The following PRKAR2A variants were observed in gnomAD, a reference collection of about 807,000 sequenced individuals.
The protein encoded by PRKAR2A is protein kinase cAMP-dependent type II regulatory subunit alpha.
Under a neutral mutation model 51.9 loss-of-function variants are expected in PRKAR2A, and 29 were observed. The observed-to-expected ratio is 0.56, with a 90% CI of 0.42 to 0.76. The LOEUF (loss-of-function observed/expected upper bound fraction) is 0.76. Among genes scored for constraint, PRKAR2A ranks in the 30% least tolerant of loss-of-function variants. The pLI, the probability that PRKAR2A is intolerant of heterozygous loss-of-function variation, is 0.00. For synonymous variants in PRKAR2A, 178 were observed against 186.2 expected, an observed-to-expected ratio of 0.96 and a Z score of 0.36; for missense variants, 445 against 512.1, an observed-to-expected ratio of 0.87 and a Z score of 1.26.
intron 2 of PRKAR2A, among the ~76,000 whole-genome samples, chr3:48,804,566 T>G (rs2082644309): frequency 6.6e-6 from 1 of 151,914 alleles, no homozygotes; most frequent in South Asian, 2.1e-4. Context: ...AAGGAAGAAG[T>G]GGGGAATAGC....
chr3:48,768,294 A>AAGATAGATAGATAGAT (rs561041221), intron 6 of PRKAR2A, among the ~76,000 whole-genome samples: 124 of 140,196 alleles, frequency 8.8e-4, no homozygotes, highest in Middle Eastern at 3.5e-3. Context: ...ACCGTCTCAA[A>AAGATAGATAGATAGAT]AGATAGATAG....
At chr3:48,819,068 T>G (rs2082918683) in intron 1 of PRKAR2A, among the ~76,000 whole-genome samples, 1 of 152,046 alleles carries the variant, frequency 6.6e-6, no homozygotes, top group Admixed American at 6.6e-5. Flanking sequence ...AGTGGTGCAA[T>G]CTCTGCTCAC....
intron 1 of PRKAR2A, among the ~76,000 whole-genome samples, chr3:48,816,869 C>A (rs2082882745): frequency 6.6e-6 from 1 of 152,062 alleles, no homozygotes; most frequent in Non-Finnish European, 1.5e-5. Flanking sequence ...AGTTTATAAG[C>A]TTAAACATTT....
chr3:48,834,787 C>T (rs2083252988), intron 1 of PRKAR2A, among the ~76,000 whole-genome samples: 1 of 148,938 alleles, frequency 6.7e-6, no homozygotes, highest in African/African-American at 2.5e-5. Flanking sequence ...ATTTGCAAAT[C>T]ACTTATCATA....
At chr3:48,827,564 C>T (rs188734805) in intron 1 of PRKAR2A, among the ~76,000 whole-genome samples, 2 of 152,246 alleles carry the variant, frequency 1.3e-5, no homozygotes, top group Non-Finnish European at 2.9e-5. Context: ...CTACAACACA[C>T]CTAGAATATA....
chr3:48,783,827 C>A (rs780588968), intron 4 of PRKAR2A, among the ~76,000 whole-genome samples: 2 of 152,164 alleles, frequency 1.3e-5, no homozygotes, highest in Non-Finnish European at 2.9e-5. Flanking sequence ...GTAATCCACC[C>A]ACCTTGGCTT....
At chr3:48,817,634 C>T (rs1020770181) in intron 1 of PRKAR2A, among the ~76,000 whole-genome samples, 2 of 144,802 alleles carry the variant, frequency 1.4e-5, no homozygotes, top group Admixed American at 7.0e-5. Context: ...GCAACAGGAA[C>T]GAAACTCCAT....
At chr3:48,834,794 C>T (rs1330951215) in intron 1 of PRKAR2A, among the ~76,000 whole-genome samples, 1 of 149,700 alleles carries the variant, frequency 6.7e-6, no homozygotes, top group Non-Finnish European at 1.5e-5. Flanking sequence ...AATCACTTAT[C>T]ATATAAGGAA....
chr3:48,832,468 C>T lies in PRKAR2A; in HGVS notation c.262+14867G>A, dbSNP rs1238330103. Among the ~76,000 whole-genome samples, 4 of 152,048 alleles carry T rather than the reference C, an allele frequency of 2.6e-5. No individual in the cohort carries two copies. The East Asian group carries it at 5.8e-4, about 22-fold the overall frequency. On this transcript the variant is annotated intron_variant, in intron 1 of 10. Transcript: ENST00000265563. The stretch of plus-strand genomic sequence containing the variant: ...AGTTTTAGTTACCAGCCTCTGAACA[C>T]GCACATTTTTTCTTTTAATTCCAAA...
chr3:48,840,812 G>A (rs1371591943), intron 1 of PRKAR2A, among the ~76,000 whole-genome samples: 1 of 148,520 alleles, frequency 6.7e-6, no homozygotes, highest in African/African-American at 2.5e-5. Flanking sequence ...TCCTGACCTC[G>A]TGATCCGCCC....
chr3:48,840,811 C>CAG (rs2083367621), intron 1 of PRKAR2A, among the ~76,000 whole-genome samples: 1 of 149,352 alleles, frequency 6.7e-6, no homozygotes. Context: ...CTCCTGACCT[C>CAG]GTGATCCGCC....
chr3:48,790,440 T>C, intron 4 of PRKAR2A, 104 bp downstream of exon 4: 1 of 692,574 alleles, frequency 1.4e-6, no homozygotes, highest in South Asian at 2.8e-5. Context: ...GGTTTTATGC[T>C]TAACACGGCT....
At chr3:48,786,987 A>G (rs1237516677) in intron 4 of PRKAR2A, among the ~76,000 whole-genome samples, 1 of 152,140 alleles carries the variant, frequency 6.6e-6, no homozygotes, top group Non-Finnish European at 1.5e-5. Context: ...GAGACATTCT[A>G]TAGAATGACT....
At chr3:48,759,384 C>CTTTT (rs1246199187) in intron 8 of PRKAR2A, among the ~76,000 whole-genome samples, 2 of 138,292 alleles carry the variant, frequency 1.4e-5, no homozygotes, top group African/African-American at 2.6e-5. Flanking sequence ...CATCCTGCCC[C>CTTTT]TTTTTTTTTT....
chr3:48,744,704 A>G (rs1177696460), downstream of PRKAR2A: 4 of 152,172 alleles, frequency 2.6e-5, no homozygotes, highest in Non-Finnish European at 4.4e-5. Context: ...CCTTTGGTAC[A>G]GGCAGGTGTC....
intron 1 of PRKAR2A, among the ~76,000 whole-genome samples, chr3:48,820,942 G>A (rs2082949821): frequency 6.6e-6 from 1 of 152,104 alleles, no homozygotes; most frequent in African/African-American, 2.4e-5. Context: ...AATTCAATAG[G>A]TCCAGAATAG....
intron 2 of PRKAR2A, among the ~76,000 whole-genome samples, chr3:48,804,367 AGGAGGATCAC>A (rs2082640261): frequency 2.0e-5 from 3 of 152,188 alleles, no homozygotes; most frequent in Non-Finnish European, 4.4e-5. Context: ...AGGCTGAGGC[AGGAGGATCAC>A]TGGAGCCTAG....
chr3:48,820,101 C>T (rs1273355070), intron 1 of PRKAR2A, among the ~76,000 whole-genome samples: 1 of 152,198 alleles, frequency 6.6e-6, no homozygotes, highest in East Asian at 1.9e-4. Context: ...CGGAATATGA[C>T]CCAACCCAAG....
chr3:48,815,424 C>T (rs967419598), intron 1 of PRKAR2A, among the ~76,000 whole-genome samples: 1 of 151,336 alleles, frequency 6.6e-6, no homozygotes, highest in African/African-American at 2.4e-5. Flanking sequence ...TGGACGGGCA[C>T]GGTGGCTCAC....
Sources: allele counts gnomAD v4.1 joint callset (sites outside exome capture counted in the v4.1 genomes callset), GRCh38; gene constraint gnomAD v4.1.1; transcripts MANE v1.5; gene names NCBI Gene and HGNC (gene_info 2026-07-23, HGNC 2026-07-21).